ATF7IP: variants seen among roughly 807,000 people sequenced by gnomAD.
The protein encoded by ATF7IP is activating transcription factor 7 interacting protein.
A neutral mutation model predicts 106.4 loss-of-function variants in ATF7IP; 23 were observed. The ratio of observed to expected loss-of-function variants is 0.22; its 90% CI spans 0.16 to 0.31. The LOEUF is 0.31. Ranked by LOEUF, ATF7IP falls within the 10% of genes least tolerant of loss-of-function variation. The pLI is 1.00. For synonymous variants in ATF7IP, 542 were observed against 539.0 expected (o/e 1.01, Z -0.08); for missense variants, 1,334 against 1,524.3 (o/e 0.88, Z 2.08).
chr12:14,369,135 A>G (rs533097592), intron 1 of ATF7IP: 12 of 143,488 alleles, frequency 8.4e-5, no homozygotes, highest in African/African-American at 3.2e-4. Flanking sequence ...TTTTTTTTTT[A>G]ATAAACAAAG....
At chr12:14,444,140 T>C (rs1412848902) in intron 5 of ATF7IP, among the ~76,000 whole-genome samples, 1 of 152,152 alleles carries the variant, frequency 6.6e-6, no homozygotes, top group Non-Finnish European at 1.5e-5. Context: ...GTCAACACAC[T>C]CTGGAATATA....
chr12:14,497,722 A>G lies in ATF7IP; in HGVS notation c.3462A>G (p.Glu1154=). 4 of 1,614,138 alleles carry G rather than the reference A, an allele frequency of 2.5e-6. No individual in the cohort carries two copies. The highest frequency in any genetic ancestry group is 2.5e-6 in the Non-Finnish European group (3 of 1,180,032). ...EAPQPQRLPP[E]AASTSLPQKP... ...CACAACCACAGCGTCTGCCCCCAGA[A>G]GCTGCCAGCACATCTCTGCCTCAGA... is the stretch of plus-strand genomic sequence containing the variant. Residue 1154 remains glutamate, a synonymous_variant, in exon 15 of 15, where the codon GAA becomes GAG. Coordinates refer to ENST00000261168, the MANE Select transcript of ATF7IP (RefSeq NM_018179.5).
chr12:14,414,007 T>A (rs1206703652), intron 1 of ATF7IP, among the ~76,000 whole-genome samples: 2 of 152,188 alleles, frequency 1.3e-5, no homozygotes, highest in Non-Finnish European at 2.9e-5. Context: ...TGCCCTAACT[T>A]CTTCAGTTTT....
intron 13 of ATF7IP, among the ~76,000 whole-genome samples, chr12:14,484,295 G>A (rs182077602): frequency 1.1e-4 from 17 of 152,230 alleles, no homozygotes; most frequent in African/African-American, 3.6e-4. Flanking sequence ...TGATGACAGG[G>A]GTGGCTGGGG....
At chr12:14,399,786 T>C (rs16909857) in intron 1 of ATF7IP, among the ~76,000 whole-genome samples, 14,475 of 152,214 alleles carry the variant, frequency 0.095, 781 homozygotes, top group African/African-American at 0.16. Flanking sequence ...AATTAGCTAG[T>C]GTTTTTTGTG....
chr12:14,419,423 T>C (rs1941376162), intron 1 of ATF7IP: 1 of 152,214 alleles, frequency 6.6e-6, no homozygotes, highest in South Asian at 2.1e-4. Flanking sequence ...AGGAATACTT[T>C]TAATGCAATT....
intron 13 of ATF7IP, among the ~76,000 whole-genome samples, chr12:14,486,708 C>T (rs2136835670): frequency 6.6e-6 from 1 of 152,320 alleles, no homozygotes; most frequent in South Asian, 2.1e-4. Context: ...TTTGCCTCTG[C>T]TGTCCATTAC....
In ATF7IP at chr12:14,423,966, G is replaced by C; in HGVS notation, c.51G>C (p.Thr17=). 2.5e-6 allele frequency: 4 copies of C among 1,613,246 alleles called. No individual in the cohort carries two copies. Among genetic ancestry groups the C allele is most frequent in the East Asian group, 2.2e-5 (1 of 44,872 alleles). ...AAAAAGTCTTTAAGGCTCGAAAAACGATGAGAGTGAGTGATCGTCAGCAAC... is the reference window on the plus strand; with the variant it reads ...AAAAAGTCTTTAAGGCTCGAAAAACCATGAGAGTGAGTGATCGTCAGCAAC... ...PQKKVFKARK[T]MRVSDRQQLE... is the part of the protein sequence containing the mutation. Residue 17 remains threonine (T), a synonymous_variant, in exon 2 of 15, where the codon ACG becomes ACC. Coordinates refer to ENST00000261168, the MANE Select transcript of ATF7IP (RefSeq NM_018179.5).
intron 1 of ATF7IP, 94 bp downstream of exon 1, chr12:14,365,921 A>T (rs971895966): frequency 1.3e-5 from 2 of 152,056 alleles, no homozygotes; most frequent in African/African-American, 4.8e-5. Flanking sequence ...CGGCTGCGGG[A>T]GTTGTGTCTG....
rs373646215 is a variant in ATF7IP, at chr12:14,499,824, CAAA to C, written c.*1759_*1761del. 21 of 144,926 alleles carry C rather than the reference CAAA, an allele frequency of 1.4e-4. No individual in the cohort carries two copies. Among genetic ancestry groups the C allele is most frequent in the African/African-American group, 4.3e-4 (17 of 39,758 alleles). 9.0% of individuals were successfully genotyped at this position (144,926 alleles called of 1,614,324 possible). On this transcript the variant is annotated 3_prime_UTR_variant, in exon 15 of 15. Coordinates refer to ENST00000261168, the MANE Select transcript of ATF7IP (RefSeq NM_018179.5). ...GGGAGACAAGAGCGAAACTCTGCCT[CAAA>C]AAAAAAAGAATTTAAAGTATATCCT...
intron 10 of ATF7IP, among the ~76,000 whole-genome samples, chr12:14,468,726 G>T (rs1943928044): frequency 6.6e-6 from 1 of 152,112 alleles, no homozygotes; most frequent in Non-Finnish European, 1.5e-5. Context: ...TTATGTATAT[G>T]AATAATAAAT....
chr12:14,438,678 C>T (rs1014845358), intron 5 of ATF7IP, among the ~76,000 whole-genome samples: 1 of 152,102 alleles, frequency 6.6e-6, no homozygotes, highest in Non-Finnish European at 1.5e-5. Context: ...TAAATTTCCC[C>T]TTTTTACAAG....
chr12:14,434,864 T>A (rs753186714), intron 3 of ATF7IP, among the ~76,000 whole-genome samples: 1 of 152,138 alleles, frequency 6.6e-6, no homozygotes, highest in African/African-American at 2.4e-5. Flanking sequence ...GATGGAAGGA[T>A]TGCTTGAGGC....
chr12:14,388,002 C>G (rs1230823026), intron 1 of ATF7IP, among the ~76,000 whole-genome samples: 1 of 146,008 alleles, frequency 6.8e-6, no homozygotes, highest in East Asian at 2.0e-4. Flanking sequence ...TCTTTCTTTC[C>G]TTTCATTCTT....
At chr12:14,426,823 C>CAAAAAAAAAAAAAAAAAAAAAA (rs1491532843) in intron 2 of ATF7IP, among the ~76,000 whole-genome samples, 1 of 16,022 alleles carries the variant, frequency 6.2e-5, no homozygotes, top group Admixed American at 9.2e-4. Context: ...GACCCTGCCT[C>CAAAAAAAAAAAAAAAAAAAAAA]AAAAAAAAAA....
rs1431697292 is a variant in ATF7IP at position 14,424,199 on chromosome 12, T to C, written c.284T>C (p.Leu95Pro). The C allele has an allele frequency of 6.2e-7, 1 of 1,614,180 alleles. No individual in the cohort carries two copies. Among genetic ancestry groups the C allele is most frequent in the African/African-American group, 1.3e-5 (1 of 75,056 alleles). Residue 95 changes from leucine (L) to proline (P), a missense_variant, in exon 2 of 15, where the codon CTA becomes CCA. Transcript: ENST00000261168. Reference sequence around the variant, plus strand: ...GAATGGAAGGAAACACCCTGTATCCTAAGTGTTAATGTAAAAAACAAGCAG... The same window carrying C: ...GAATGGAAGGAAACACCCTGTATCCCAAGTGTTAATGTAAAAAACAAGCAG... ...KAEWKETPCILSVNVKNKQDD... is the reference protein window; with the variant it reads ...KAEWKETPCIPSVNVKNKQDD...
rs761540872 is a variant in ATF7IP, at chr12:14,481,127, T to A, written c.3222T>A (p.Ala1074=). Reference sequence around the variant, plus strand: ...CTCTTCCTGCACCACCAGCTCAGGCTCCCTTGCGAGGAACTGTTATGCAGG... The same window carrying A: ...CTCTTCCTGCACCACCAGCTCAGGCACCCTTGCGAGGAACTGTTATGCAGG... ...YTTLPAPPAQ[A]PLRGTVMQAP... is the part of the protein sequence containing the mutation. Residue 1074 remains alanine (A), a synonymous_variant, in exon 13 of 15, where the codon GCT becomes GCA. Transcript: ENST00000261168. 1.2e-6 allele frequency: 2 copies of A among 1,613,996 alleles called. No individual in the cohort carries two copies. Among genetic ancestry groups the A allele is most frequent in the Admixed American group, 1.7e-5 (1 of 60,008 alleles).
intron 6 of ATF7IP, among the ~76,000 whole-genome samples, chr12:14,453,105 T>C (rs981168848): frequency 6.6e-6 from 1 of 152,184 alleles, no homozygotes; most frequent in Non-Finnish European, 1.5e-5. Context: ...TGTGTTGTTA[T>C]GAGTTGCTTT....
intron 13 of ATF7IP, among the ~76,000 whole-genome samples, chr12:14,483,284 AT>A (rs1202033808): frequency 1.3e-5 from 2 of 152,204 alleles, no homozygotes; most frequent in Non-Finnish European, 2.9e-5. Context: ...ATCACAGGGC[AT>A]GGTAATACTA....
Sources: gnomAD v4.1 joint callset for allele counts (sites outside exome capture counted in the v4.1 genomes callset) on GRCh38, gnomAD v4.1.1 for gene constraint, MANE v1.5 for transcripts, NCBI Gene and HGNC (gene_info 2026-07-23, HGNC 2026-07-21) for gene names.